Variants in POU6F2 observed in about 807,000 individuals in gnomAD.
POU6F2 encodes the protein POU class 6 homeobox 2.
A neutral mutation model predicts 71.3 loss-of-function variants in POU6F2; 31 were observed. The observed-to-expected ratio is 0.43, with a 90% confidence interval of 0.33 to 0.59. The LOEUF is 0.59. Among genes scored for constraint, POU6F2 ranks in the 20% least tolerant of loss-of-function variants. The pLI is 0.04. For missense variants in POU6F2, 783 were observed against 856.8 expected (o/e 0.91, Z 1.07); for synonymous variants, 347 against 355.7 (o/e 0.98, Z 0.27).
At chr7:39,313,854 A>G (rs1785211322) in intron 4 of POU6F2, among the ~76,000 whole-genome samples, 1 of 152,190 alleles carries the variant, frequency 6.6e-6, no homozygotes, top group Admixed American at 6.5e-5. Flanking sequence ...GTCAGAGCTA[A>G]TGATAAAATC....
At chr7:39,208,252 T>G (rs575352604) in intron 4 of POU6F2, among the ~76,000 whole-genome samples, 1 of 152,346 alleles carries the variant, frequency 6.6e-6, no homozygotes, top group Non-Finnish European at 1.5e-5. Context: ...ATGAAGGTTT[T>G]GACTTTTCTT....
chr7:39,433,142 G>A lies in POU6F2; in HGVS notation c.1179G>A (p.Gln393=). ...CGAGCCAAGCAGCAAGCGGCACTCAGGGCTTGCAAGTGCAGCCAATCACCC... is the reference window on the plus strand; with the variant it reads ...CGAGCCAAGCAGCAAGCGGCACTCAAGGCTTGCAAGTGCAGCCAATCACCC... ...GPSSQAASGT[Q]GLQVQPITPQ... is the part of the protein sequence containing the mutation. The change falls in exon 7 of 10, where the codon CAG becomes CAA. Residue 393 remains glutamine, a synonymous_variant. Coordinates refer to ENST00000518318, the MANE Select transcript of POU6F2 (RefSeq NM_001370959.1). 6.2e-7 allele frequency: 1 copy of A among 1,613,524 alleles called. No homozygotes were observed. The highest frequency in any genetic ancestry group is 8.5e-7 in the Non-Finnish European group (1 of 1,179,688).
At chr7:39,419,145 GTATATATGTGTATATATACACA>G (rs1787787239) in intron 6 of POU6F2, among the ~76,000 whole-genome samples, 1 of 134,316 alleles carries the variant, frequency 7.4e-6, no homozygotes, top group Non-Finnish European at 1.6e-5. Flanking sequence ...ATATATATAC[GTATATATGTGTATATATACACA>G]TATATATACG....
chr7:39,059,796 A>T (rs903045162), intron 1 of POU6F2, among the ~76,000 whole-genome samples: 3 of 152,254 alleles, frequency 2.0e-5, no homozygotes, highest in Middle Eastern at 3.2e-3. Flanking sequence ...TCTATTGATG[A>T]ACAGATAAAG....
At chr7:39,438,200 GT>G (rs201280631) in intron 7 of POU6F2, among the ~76,000 whole-genome samples, 51,089 of 151,776 alleles carry the variant, frequency 0.34, 9,608 homozygotes, top group East Asian at 0.58. Flanking sequence ...GCGATGTTTG[GT>G]TTTTTTGTCC....
chr7:39,183,291 C>T (rs1793470894), intron 2 of POU6F2, among the ~76,000 whole-genome samples: 1 of 152,170 alleles, frequency 6.6e-6, no homozygotes, highest in Non-Finnish European at 1.5e-5. Context: ...AAATAACTAC[C>T]TGATACTGGG....
chr7:39,317,304 T>C (rs1785287086), intron 4 of POU6F2, among the ~76,000 whole-genome samples: 2 of 152,188 alleles, frequency 1.3e-5, no homozygotes, highest in African/African-American at 4.8e-5. Flanking sequence ...AACTCGCCGA[T>C]GGCTTGTAAA....
At chr7:39,068,839 G>T (rs746905877) in intron 1 of POU6F2, among the ~76,000 whole-genome samples, 2 of 152,038 alleles carry the variant, frequency 1.3e-5, no homozygotes, top group African/African-American at 2.4e-5. Flanking sequence ...TAGGATAGGG[G>T]TTCCCACTGT....
chr7:39,002,253 C>T (rs1038827004), intron 1 of POU6F2, among the ~76,000 whole-genome samples: 5 of 152,198 alleles, frequency 3.3e-5, no homozygotes, highest in African/African-American at 1.2e-4. Context: ...TTACTCTGCT[C>T]TTCCTTAGGC....
At chr7:39,085,179 A>G (rs1180203868) in intron 1 of POU6F2, 1 of 152,084 alleles carries the variant, frequency 6.6e-6, no homozygotes, top group African/African-American at 2.4e-5. Flanking sequence ...ATTTTCGTGT[A>G]TTGTGTTGTG....
intron 6 of POU6F2, among the ~76,000 whole-genome samples, chr7:39,427,699 T>C (rs1022236243): frequency 1.3e-5 from 2 of 152,212 alleles, no homozygotes; most frequent in South Asian, 2.1e-4. Context: ...GCTGATGGAT[T>C]GAAAGATCTG....
intron 5 of POU6F2, among the ~76,000 whole-genome samples, chr7:39,397,525 G>A (rs900426578): frequency 1.4e-5 from 2 of 146,360 alleles, no homozygotes; most frequent in Admixed American, 6.9e-5. Context: ...ACAGAGTCTC[G>A]CTTTGTCACC....
intron 4 of POU6F2, among the ~76,000 whole-genome samples, chr7:39,283,540 C>T (rs1784601627): frequency 6.6e-6 from 1 of 152,198 alleles, no homozygotes; most frequent in African/African-American, 2.4e-5. Context: ...CCTTTGGTGA[C>T]TGGCTTATTT....
chr7:39,387,878 T>C (rs570940840), intron 5 of POU6F2, among the ~76,000 whole-genome samples: 38 of 152,272 alleles, frequency 2.5e-4, no homozygotes, highest in African/African-American at 9.1e-4. Context: ...CATGTTCATG[T>C]GATTCCTGAG....
chr7:39,401,164 G>A (rs368091130), intron 5 of POU6F2, among the ~76,000 whole-genome samples: 4 of 152,304 alleles, frequency 2.6e-5, no homozygotes, highest in Admixed American at 1.3e-4. Flanking sequence ...CCACCTGGCT[G>A]TCTCAAAAGG....
chr7:39,454,651 C>A (rs1788740635), intron 8 of POU6F2, among the ~76,000 whole-genome samples: 1 of 70,390 alleles, frequency 1.4e-5, no homozygotes, highest in Non-Finnish European at 2.8e-5. Context: ...GGATGAAGAC[C>A]AGGGATATAT....
rs377627528 is a variant in POU6F2 at position 39,456,059 on chromosome 7, G to A, written c.1489+4358G>A. Among the ~76,000 whole-genome samples the A allele has an allele frequency of 4.6e-5, 7 of 152,238 alleles. 1 individual carries two copies. The highest frequency in any genetic ancestry group is 1.9e-4 in the East Asian group (1 of 5,184). On this transcript the variant is annotated intron_variant, in intron 8 of 9. Coordinates refer to ENST00000518318, the MANE Select transcript of POU6F2 (RefSeq NM_001370959.1). ...ATCATTGCTATTACTTTCTGGCCCT[G>A]TCTTTAATATATCAGGCTCATGTAA...
At position 39,012,784 on chromosome 7, in the gene POU6F2, G is replaced by T. The variant is rs1289735792; in HGVS notation, c.105+34726G>T. On this transcript the variant is annotated intron_variant, in intron 1 of 9. Transcript: ENST00000518318. ...TGCAGGTCTGTTGGAATACCCTGCC[G>T]TGTGAGGTGTCAGTGTGCCCCTGCT... 1.6e-4 allele frequency among the ~76,000 whole-genome samples: 24 copies of T among 148,946 alleles called. 1 individual carries two copies. In the East Asian group the frequency reaches 4.8e-3, roughly 30 times the overall value.
rs968225824 is a variant in POU6F2, at chr7:39,348,001, A to G, written c.972+7986A>G. On this transcript the variant is annotated intron_variant, in intron 5 of 9. Transcript: ENST00000518318. ...GATATAGGATAAAGATGCCATCACA[A>G]ATTAATAGGGAAATAACATATTGTG... Among the ~76,000 whole-genome samples, 41 of 144,094 alleles carry G rather than the reference A, an allele frequency of 2.8e-4. 1 individual carries two copies. Among genetic ancestry groups the G allele is most frequent in the African/African-American group, 9.7e-4 (39 of 40,310 alleles). 94.5% of individuals were successfully genotyped at this position (144,094 alleles called of 152,430 possible).
Sources: gnomAD v4.1 joint callset for allele counts (sites outside exome capture counted in the v4.1 genomes callset) on GRCh38, gnomAD v4.1.1 for gene constraint, MANE v1.5 for transcripts, NCBI Gene and HGNC (gene_info 2026-07-23, HGNC 2026-07-21) for gene names.